The following RANBP10 variants were observed in gnomAD, a reference collection of about 807,000 sequenced individuals.
The protein encoded by RANBP10 is RAN binding protein 10.
Under a neutral mutation model 72.8 loss-of-function variants are expected in RANBP10, and 24 were observed. The ratio of observed to expected loss-of-function variants is 0.33; its 90% CI spans 0.24 to 0.46. RANBP10 has a LOEUF of 0.46. Among genes scored for constraint, RANBP10 ranks in the 20% least tolerant of loss-of-function variants. The pLI is 1.00. For missense variants in RANBP10, 679 were observed against 817.5 expected (o/e 0.83, Z 2.07); for synonymous variants, 310 against 322.3 (o/e 0.96, Z 0.41).
chr16:67,757,414 A>G (rs1371754795), intron 3 of RANBP10, among the ~76,000 whole-genome samples: 1 of 152,190 alleles, frequency 6.6e-6, no homozygotes. Context: ...AGGGTTCAAC[A>G]GCCATGCCCA....
chr16:67,798,353 G>T (rs1172323701), intron 2 of RANBP10, among the ~76,000 whole-genome samples: 2 of 152,198 alleles, frequency 1.3e-5, no homozygotes, highest in African/African-American at 2.4e-5. Context: ...GGAACTTGGT[G>T]AGGGGATCCA....
intron 2 of RANBP10, among the ~76,000 whole-genome samples, chr16:67,786,459 C>T (rs1461326175): frequency 6.6e-6 from 1 of 152,104 alleles, no homozygotes; most frequent in East Asian, 1.9e-4. Flanking sequence ...AACTCAACAA[C>T]AGAAAGACAA....
chr16:67,768,040 G>A (rs916104521), intron 3 of RANBP10, among the ~76,000 whole-genome samples: 2 of 151,528 alleles, frequency 1.3e-5, no homozygotes, highest in Non-Finnish European at 2.9e-5. Flanking sequence ...ACCCCAGCCT[G>A]GGCAACAGGG....
At chr16:67,782,905 G>GCCATCTCTTAAAAGCCACTT in intron 2 of RANBP10, among the ~76,000 whole-genome samples, 1 of 152,182 alleles carries the variant, frequency 6.6e-6, no homozygotes, top group Admixed American at 6.5e-5. Flanking sequence ...ACTTTTAAGA[G>GCCATCTCTTAAAAGCCACTT]TAATGGCTAC....
intron 4 of RANBP10, among the ~76,000 whole-genome samples, chr16:67,741,844 T>TG (rs1244304485): frequency 6.6e-6 from 1 of 152,000 alleles, no homozygotes. Context: ...TGCTGTAAAG[T>TG]GGGGAAGGGA....
intron 3 of RANBP10, among the ~76,000 whole-genome samples, chr16:67,764,239 G>A (rs184828470): frequency 7.9e-5 from 12 of 152,210 alleles, no homozygotes; most frequent in East Asian, 7.7e-4. Flanking sequence ...CCTCTCCTTC[G>A]TCCCAAGCCT....
chr16:67,805,665 G>A (rs576002362), intron 1 of RANBP10, 126 bp from the exon 2 acceptor site: 36 of 726,224 alleles, frequency 5.0e-5, no homozygotes, highest in African/African-American at 3.5e-4. Context: ...TACACAGGCC[G>A]AGGAATCATT....
intron 2 of RANBP10, among the ~76,000 whole-genome samples, chr16:67,795,228 G>C (rs1157625394): frequency 6.7e-6 from 1 of 150,264 alleles, no homozygotes; most frequent in African/African-American, 2.5e-5. Flanking sequence ...CTGGGCAACA[G>C]AGTGAGACCC....
intron 2 of RANBP10, among the ~76,000 whole-genome samples, chr16:67,804,236 A>T (rs1426339199): frequency 6.6e-6 from 1 of 152,174 alleles, no homozygotes; most frequent in Non-Finnish European, 1.5e-5. Flanking sequence ...AAGCCTTTCC[A>T]AGGTAGCTGC....
chr16:67,780,532 G>C (rs2054791669), intron 2 of RANBP10, among the ~76,000 whole-genome samples: 1 of 152,144 alleles, frequency 6.6e-6, no homozygotes, highest in African/African-American at 2.4e-5. Context: ...AAGATCATTG[G>C]AAGCCAGGAG....
At chr16:67,785,563 A>G (rs1443772217) in intron 2 of RANBP10, among the ~76,000 whole-genome samples, 2 of 151,900 alleles carry the variant, frequency 1.3e-5, no homozygotes, top group South Asian at 2.1e-4. Flanking sequence ...CCCCGTCTCC[A>G]CTAAAAATAC....
chr16:67,776,397 G>C (rs1034574809), intron 2 of RANBP10, among the ~76,000 whole-genome samples: 3 of 146,852 alleles, frequency 2.0e-5, no homozygotes, highest in Non-Finnish European at 4.5e-5. Context: ...GGGAGACAGA[G>C]GTTGCTTTGA....
At chr16:67,786,888 T>C (rs550407198) in intron 2 of RANBP10, among the ~76,000 whole-genome samples, 47 of 148,230 alleles carry the variant, frequency 3.2e-4, no homozygotes, top group African/African-American at 8.7e-4. Context: ...GATCAAGCCA[T>C]TGCACTCCAG....
At position 67,729,884 on chromosome 16, in the gene RANBP10, C is replaced by T. The variant is rs2053690664; in HGVS notation, c.998+54G>A. ...GTTGTGGTCCAGGTTGACGTTCCCA[C>T]CACCAGCTGAGAGGGGCTGGACTCT... On this transcript the variant is annotated intron_variant, in intron 8 of 13. Transcript: ENST00000317506. This position sits in a 1 kb window ranked among gnomAD's most constrained non-coding sequence, Gnocchi z 7.1. The T allele has an allele frequency of 6.2e-7, 1 of 1,613,518 alleles. No homozygotes were observed. Among genetic ancestry groups the T allele is most frequent in the Non-Finnish European group, 8.5e-7 (1 of 1,179,878 alleles).
chr16:67,744,690 A>G (rs2054035432), intron 3 of RANBP10, among the ~76,000 whole-genome samples: 1 of 152,222 alleles, frequency 6.6e-6, no homozygotes, highest in African/African-American at 2.4e-5. Flanking sequence ...GGTTAACAGG[A>G]ACCAAAACCA....
At chr16:67,768,295 A>T (rs1378021037) in intron 3 of RANBP10, among the ~76,000 whole-genome samples, 4 of 151,422 alleles carry the variant, frequency 2.6e-5, no homozygotes, top group Non-Finnish European at 5.9e-5. Context: ...TGAGGCAGGC[A>T]GACTGACTGA....
At chr16:67,768,939 T>A (rs2054553904) in intron 3 of RANBP10, among the ~76,000 whole-genome samples, 1 of 152,226 alleles carries the variant, frequency 6.6e-6, no homozygotes, top group South Asian at 2.1e-4. Context: ...TCTTTCTCAG[T>A]CCTGGCTCCC....
rs1200267098 is a variant in RANBP10, at chr16:67,772,040, G to A, written c.394C>T (p.Leu132Phe). Residue 132 changes from leucine (L) to phenylalanine (F), a missense_variant, in exon 3 of 14, where the codon CTT becomes TTT. By Grantham distance (22) the Leu-to-Phe change is conservative. Transcript: ENST00000317506. The part of the protein sequence containing the change: ...LSAQGVNMNR[L>F]PGWDKHSYGY... ...CTCTTAAACAGTGACTCACCAGGAA[G>A]TCTGTTCATGTTGACGCCTTGAGCC... 1.3e-6 allele frequency: 2 copies of A among 1,567,774 alleles called. No individual in the cohort carries two copies. The highest frequency in any genetic ancestry group is 1.4e-5 in the African/African-American group (1 of 71,024).
chr16:67,795,464 G>A (rs750393654), intron 2 of RANBP10, among the ~76,000 whole-genome samples: 5 of 151,602 alleles, frequency 3.3e-5, no homozygotes, highest in Admixed American at 6.6e-5. Context: ...GCTTGAACCC[G>A]GGAGGCGGAA....
Sources: allele counts gnomAD v4.1 joint callset (sites outside exome capture counted in the v4.1 genomes callset), GRCh38; gene constraint gnomAD v4.1.1; non-coding constraint Gnocchi (gnomAD v3.1); transcripts MANE v1.5; gene names NCBI Gene and HGNC (gene_info 2026-07-23, HGNC 2026-07-21).